CTIF: variants seen among roughly 807,000 people sequenced by gnomAD.
The protein encoded by CTIF is CBP80/20-dependent translation initiation factor.
A neutral mutation model predicts 66.0 loss-of-function variants in CTIF; 21 were observed. The ratio of observed to expected loss-of-function variants is 0.32; its 90% confidence interval spans 0.23 to 0.46. The LOEUF is 0.46. CTIF is among the 20% of genes least tolerant of loss of function. The probability of loss-of-function intolerance (pLI) is 1.00; values close to 1 mark genes in which losing one functional copy is unlikely to be tolerated. For missense variants in CTIF, 739 were observed against 812.7 expected, an observed-to-expected ratio of 0.91 and a Z score of 1.10; for synonymous variants, 345 against 326.4, an observed-to-expected ratio of 1.06 and a Z score of -0.62.
chr18:48,776,825 G>C (rs942649784), intron 9 of CTIF, among the ~76,000 whole-genome samples: 6 of 152,372 alleles, frequency 3.9e-5, no homozygotes, highest in African/African-American at 1.2e-4. Flanking sequence ...TCCCAAACAG[G>C]GAACCAGAAG....
intron 6 of CTIF, among the ~76,000 whole-genome samples, chr18:48,683,373 C>T (rs1381705125): frequency 6.7e-6 from 1 of 149,708 alleles, no homozygotes; most frequent in East Asian, 2.1e-4. Context: ...TGCAGTGAGA[C>T]CACTGTCCCT....
chr18:48,571,521 A>G (rs986360313), intron 1 of CTIF, among the ~76,000 whole-genome samples: 3 of 152,168 alleles, frequency 2.0e-5, no homozygotes, highest in African/African-American at 7.2e-5. Context: ...CAAGGAATAT[A>G]TTCTTATTCT....
At chr18:48,847,257 G>A (rs967287654) in intron 10 of CTIF, among the ~76,000 whole-genome samples, 4 of 145,196 alleles carry the variant, frequency 2.8e-5, no homozygotes, top group Non-Finnish European at 4.5e-5. Flanking sequence ...GCAGTGAGCC[G>A]AGATCACGCT....
intron 10 of CTIF, among the ~76,000 whole-genome samples, chr18:48,850,945 G>A (rs2069186254): frequency 1.3e-5 from 2 of 152,258 alleles, no homozygotes; most frequent in Admixed American, 6.5e-5. Context: ...CAGCAACTGG[G>A]AGGGACAAGT....
chr18:48,588,623 G>T (rs2089822678), intron 1 of CTIF, among the ~76,000 whole-genome samples: 1 of 151,496 alleles, frequency 6.6e-6, no homozygotes, highest in South Asian at 2.1e-4. Flanking sequence ...TCCTGCCCCT[G>T]CCCGGCTCGC....
intron 6 of CTIF, among the ~76,000 whole-genome samples, chr18:48,685,599 G>A (rs182290951): frequency 2.0e-5 from 3 of 152,296 alleles, no homozygotes; most frequent in Admixed American, 6.5e-5. Flanking sequence ...GAGAGGCACA[G>A]GGATTTCGTG....
intron 1 of CTIF, among the ~76,000 whole-genome samples, chr18:48,560,927 CTT>C (rs1475226210): frequency 6.6e-6 from 1 of 152,086 alleles, no homozygotes; most frequent in African/African-American, 2.4e-5. Flanking sequence ...TACTTGCAGT[CTT>C]TTGTGGAGGA....
At chr18:48,792,790 G>C (rs1312091577) in intron 9 of CTIF, among the ~76,000 whole-genome samples, 1 of 152,196 alleles carries the variant, frequency 6.6e-6, no homozygotes, top group Non-Finnish European at 1.5e-5. Context: ...AGGTGGGGAA[G>C]ATGCTTCAGG....
chr18:48,822,230 G>A (rs1267933628), intron 10 of CTIF, among the ~76,000 whole-genome samples: 1 of 151,908 alleles, frequency 6.6e-6, no homozygotes, highest in Non-Finnish European at 1.5e-5. Context: ...GTTAATATTT[G>A]TACATATTTA....
At chr18:48,629,070 C>T (rs1198768126) in intron 2 of CTIF, among the ~76,000 whole-genome samples, 1 of 152,186 alleles carries the variant, frequency 6.6e-6, no homozygotes, top group Non-Finnish European at 1.5e-5. Context: ...AAGCCATTTC[C>T]CTTCAGCCTC....
chr18:48,616,091 C>T (rs1158912037), intron 1 of CTIF, among the ~76,000 whole-genome samples: 2 of 152,220 alleles, frequency 1.3e-5, no homozygotes, highest in African/African-American at 4.8e-5. Context: ...GCTGCTGCTG[C>T]AGGCAGAGCC....
chr18:48,671,053 A>AC (rs1225945977), intron 6 of CTIF, among the ~76,000 whole-genome samples: 2 of 152,124 alleles, frequency 1.3e-5, no homozygotes, highest in Non-Finnish European at 2.9e-5. Context: ...CCTTGGCCTG[A>AC]AACCTCTCTG....
chr18:48,569,477 A>C (rs752700508), intron 1 of CTIF, among the ~76,000 whole-genome samples: 4 of 152,134 alleles, frequency 2.6e-5, no homozygotes, highest in Non-Finnish European at 5.9e-5. Flanking sequence ...AAACAAAAAA[A>C]CAAAAAAAAA....
At chr18:48,682,443 CTCTGGG>C (rs1262731395) in intron 6 of CTIF, among the ~76,000 whole-genome samples, 3 of 152,202 alleles carry the variant, frequency 2.0e-5, no homozygotes, top group Non-Finnish European at 4.4e-5. Flanking sequence ...GAACCAGAAA[CTCTGGG>C]AGAGGGGCCC....
At position 48,846,721 on chromosome 18, in the gene CTIF, G is replaced by A. The variant is rs150214951; in HGVS notation, c.1528-10867G>A. ...TGGATGAAAGGATGGATAGATGGGC[G>A]GATGGATGGATGGATGGATGGATGA... is the stretch of plus-strand genomic sequence containing the variant. On this transcript the variant is annotated intron_variant, in intron 10 of 11. Coordinates refer to ENST00000256413, the MANE Select transcript of CTIF (RefSeq NM_014772.3). 4.5e-3 allele frequency among the ~76,000 whole-genome samples: 672 copies of A among 150,800 alleles called. 1 individual carries two copies. The highest frequency in any genetic ancestry group is 7.1e-3 in the Non-Finnish European group (481 of 67,650).
intron 6 of CTIF, among the ~76,000 whole-genome samples, chr18:48,679,340 G>T (rs2091699715): frequency 1.3e-5 from 2 of 152,182 alleles, no homozygotes; most frequent in South Asian, 4.1e-4. Flanking sequence ...AGGGATTTTT[G>T]AACTTAAAAA....
chr18:48,776,184 C>T lies in CTIF; in HGVS notation c.1371+14495C>T, dbSNP rs149665697. Among the ~76,000 whole-genome samples, 465 of 152,324 alleles carry T rather than the reference C, an allele frequency of 3.1e-3. 1 individual carries two copies. In the Middle Eastern group the frequency reaches 0.034, roughly 11 times the overall value. On this transcript the variant is annotated intron_variant, in intron 9 of 11. Transcript: ENST00000256413. ...CTGGCATCTGAGGCCAGAAGATACC[C>T]GCCACCCCTCCCTGGTGAGGTTACT...
At chr18:48,561,610 C>G (rs1300739353) in intron 1 of CTIF, among the ~76,000 whole-genome samples, 1 of 152,200 alleles carries the variant, frequency 6.6e-6, no homozygotes, top group Non-Finnish European at 1.5e-5. Flanking sequence ...TTTCAGGAAG[C>G]CCAAAGTATC....
chr18:48,653,158 G>A (rs1258881380), intron 3 of CTIF, among the ~76,000 whole-genome samples: 1 of 152,158 alleles, frequency 6.6e-6, no homozygotes, highest in African/African-American at 2.4e-5. Flanking sequence ...GAAATAAAGG[G>A]TATTCAATGA....
Sources: gnomAD v4.1 joint callset for allele counts (sites outside exome capture counted in the v4.1 genomes callset) on GRCh38, gnomAD v4.1.1 for gene constraint, MANE v1.5 for transcripts, NCBI Gene and HGNC (gene_info 2026-07-23, HGNC 2026-07-21) for gene names.